POGZ: variants seen among roughly 807,000 people sequenced by gnomAD.
POGZ encodes pogo transposable element derived with ZNF domain, also known as pogo transposable element with ZNF domain.
A neutral mutation model predicts 134.6 loss-of-function variants in POGZ; 17 were observed. The observed-to-expected ratio is 0.13, with a 90% CI of 0.09 to 0.19. The LOEUF is 0.19. POGZ is among the 10% of genes least tolerant of loss of function. The pLI is 1.00. For missense variants in POGZ, 1,306 were observed against 1,769.7 expected, an observed-to-expected ratio of 0.74 and a Z score of 4.70; for synonymous variants, 693 against 657.1, an observed-to-expected ratio of 1.05 and a Z score of -0.84.
chr1:151,450,639 C>T (rs1254101928), intron 1 of POGZ, among the ~76,000 whole-genome samples: 2 of 152,158 alleles, frequency 1.3e-5, no homozygotes, highest in African/African-American at 4.8e-5. Context: ...CAGGCATGAG[C>T]AGTCGTGCCC....
Position 151,405,692 on chromosome 1 carries a change from G to T in POGZ, c.3343C>A (p.Gln1115Lys). The T allele has an allele frequency of 6.2e-7, 1 of 1,614,204 alleles. No homozygotes were observed. The highest frequency in any genetic ancestry group is 8.5e-7 in the Non-Finnish European group (1 of 1,180,016). The change falls in exon 19 of 19, where the codon CAG becomes AAG. Residue 1115 changes from glutamine (Q) to lysine (K), a missense_variant. By Grantham distance (53) the Gln-to-Lys change is moderately conservative (BLOSUM62 1). Around this residue, in one of 10 missense-constraint regions of POGZ, gnomAD observed 161 missense variants for 185.4 expected, o/e 0.87. Transcript: ENST00000271715. The surrounding 1 kb of genome is among the most constrained non-coding windows in gnomAD (Gnocchi z 4.9). ...IDFVQRQIHNQDLPLSMIVAI... is the reference protein window; with the variant it reads ...IDFVQRQIHNKDLPLSMIVAI... ...ACAATCATAGACAAGGGTAAGTCCT[G>T]GTTGTGAATCTGCCGTTGTACAAAA...
intron 10 of POGZ, among the ~76,000 whole-genome samples, chr1:151,421,454 T>G (rs1403149704): frequency 1.3e-5 from 2 of 152,150 alleles, no homozygotes; most frequent in African/African-American, 4.8e-5. Flanking sequence ...TTCTACTGCC[T>G]AGTGTTACTG....
chr1:151,435,643 C>T (rs11584694), intron 3 of POGZ, among the ~76,000 whole-genome samples: 97,428 of 151,736 alleles, frequency 0.64, 34,800 homozygotes, highest in Non-Finnish European at 0.82. Context: ...CAGGTAAATG[C>T]CACCACACTC....
chr1:151,425,888 T>C (rs1310468611), intron 7 of POGZ, among the ~76,000 whole-genome samples: 1 of 152,224 alleles, frequency 6.6e-6, no homozygotes, highest in African/African-American at 2.4e-5. Context: ...TCCTGGAGCA[T>C]ACAACAATTC....
At chr1:151,445,475 TCA>T (rs1353458834) in intron 1 of POGZ, among the ~76,000 whole-genome samples, 3 of 133,494 alleles carry the variant, frequency 2.2e-5, no homozygotes, top group Admixed American at 1.8e-4. Flanking sequence ...TGAGCCAAGA[TCA>T]CGCCACTGCA....
intron 10 of POGZ, among the ~76,000 whole-genome samples, chr1:151,415,714 A>T (rs1309103263): frequency 1.3e-5 from 2 of 151,890 alleles, no homozygotes; most frequent in Non-Finnish European, 2.9e-5. Flanking sequence ...AATGTACCTT[A>T]AGATAGCCAC....
At position 151,407,500 on chromosome 1, in the gene POGZ, T is replaced by C. The variant is rs576531013; in HGVS notation, c.2376-209A>G. ...TATTAAAATTCACATTCTGGTTCAG[T>C]AGGCCTAGGGCGGGGCTGAGAGTCA... On this transcript the variant is annotated intron_variant, in intron 15 of 18. Transcript: ENST00000271715. Among the ~76,000 whole-genome samples, 7 of 152,330 alleles carry C rather than the reference T, an allele frequency of 4.6e-5. No individual in the cohort carries two copies. In the East Asian group the frequency reaches 9.6e-4, roughly 21 times the overall value.
At chr1:151,411,588 AAAC>A (rs1654683008) in intron 12 of POGZ, 34 bp downstream of exon 12, 1 of 1,506,148 alleles carries the variant, frequency 6.6e-7, no homozygotes, top group Non-Finnish European at 9.0e-7. Context: ...AAAAAAAAAA[AAAC>A]AAGAGAATAT....
chr1:151,417,688 CCACACACACACA>C lies in POGZ; in HGVS notation c.1679-5304_1679-5293del, dbSNP rs59753677. 1.3e-3 allele frequency among the ~76,000 whole-genome samples: 175 copies of C among 137,546 alleles called. 2 individuals are homozygous for C. The highest frequency in any genetic ancestry group is 3.8e-3 in the African/African-American group (140 of 36,602). The allele number at this position is 137,546 out of a possible 152,430, so 90.2% of individuals were successfully genotyped here. A position where few individuals can be genotyped will look rare whatever the true frequency, so the allele number is the denominator to read the frequency against. On this transcript the variant is annotated intron_variant, in intron 10 of 18. Coordinates refer to ENST00000271715, the MANE Select transcript of POGZ (RefSeq NM_015100.4). ...TTAGATCTTAACAAAGGTACTGTGG[CCACACACACACA>C]CACACACACACACACACACACACAC...
At chr1:151,416,954 C>A (rs1054067298) in intron 10 of POGZ, among the ~76,000 whole-genome samples, 1 of 151,828 alleles carries the variant, frequency 6.6e-6, no homozygotes, top group Non-Finnish European at 1.5e-5. Flanking sequence ...TAAGATGATA[C>A]TGTTATCACA....
intron 1 of POGZ, among the ~76,000 whole-genome samples, chr1:151,448,723 G>C (rs536343329): frequency 1.3e-5 from 2 of 152,098 alleles, no homozygotes; most frequent in African/African-American, 4.8e-5. Flanking sequence ...TTAGCAGAGT[G>C]TTGGTGGCAT....
chr1:151,437,917 A>G (rs1659895608), intron 3 of POGZ, among the ~76,000 whole-genome samples: 1 of 152,076 alleles, frequency 6.6e-6, no homozygotes, highest in Admixed American at 6.6e-5. Context: ...TAGCATTTCA[A>G]GAGTTCCTAG....
chr1:151,416,222 A>AAG (rs1443749629), intron 10 of POGZ, among the ~76,000 whole-genome samples: 7 of 149,240 alleles, frequency 4.7e-5, no homozygotes, highest in Non-Finnish European at 1.0e-4. Flanking sequence ...AAAAAAAAAA[A>AAG]AAAAAAAAAA....
intron 10 of POGZ, among the ~76,000 whole-genome samples, 183 bp downstream of exon 10, chr1:151,423,214 A>G (rs1657231416): frequency 6.6e-6 from 1 of 152,192 alleles, no homozygotes; most frequent in South Asian, 2.1e-4. Context: ...CTTGAACAAA[A>G]TAAAAGTCAG....
chr1:151,410,872 T>G (rs1654545802), intron 12 of POGZ, among the ~76,000 whole-genome samples: 1 of 152,246 alleles, frequency 6.6e-6, no homozygotes. Flanking sequence ...ACTACTGCAT[T>G]GCTACCTTCA....
rs377647850 is a variant in POGZ, at chr1:151,430,643, T to C, written c.459+23A>G. 2.9e-5 allele frequency: 46 copies of C among 1,582,118 alleles called. No individual in the cohort carries two copies. In the African/African-American group the frequency reaches 5.4e-4, roughly 18 times the overall value. ...ATAGTCTTTCTCTCCTCTAGCAACC[T>C]TGGAATTCAGAGTCCTACTCACCTG... is the stretch of plus-strand genomic sequence containing the variant. On this transcript the variant is annotated intron_variant, in intron 4 of 18. Coordinates refer to ENST00000271715, the MANE Select transcript of POGZ (RefSeq NM_015100.4).
intron 3 of POGZ, among the ~76,000 whole-genome samples, chr1:151,432,511 TAAAC>T (rs1245495783): frequency 6.6e-6 from 1 of 152,234 alleles, no homozygotes; most frequent in African/African-American, 2.4e-5. Flanking sequence ...CTATCCATGT[TAAAC>T]TATACTGGCA....
intron 1 of POGZ, among the ~76,000 whole-genome samples, chr1:151,453,567 A>C (rs1162373105): frequency 1.3e-5 from 2 of 152,224 alleles, no homozygotes; most frequent in African/African-American, 4.8e-5. Context: ...ACTTTCTTCC[A>C]TTAATCCATT....
intron 1 of POGZ, among the ~76,000 whole-genome samples, chr1:151,448,023 G>T (rs575465086): frequency 6.6e-6 from 1 of 152,006 alleles, no homozygotes; most frequent in Non-Finnish European, 1.5e-5. Flanking sequence ...GAGTTTCCAA[G>T]ACCACAATAA....
Sources: allele counts gnomAD v4.1 joint callset (sites outside exome capture counted in the v4.1 genomes callset), GRCh38; gene constraint gnomAD v4.1.1; regional missense constraint gnomAD v4.1.1; non-coding constraint Gnocchi (gnomAD v3.1); transcripts MANE v1.5; gene names NCBI Gene and HGNC (gene_info 2026-07-23, HGNC 2026-07-21).